CUBN: variants seen among roughly 807,000 people sequenced by gnomAD.
CUBN encodes cubilin.
A neutral mutation model predicts 405.3 loss-of-function variants in CUBN; 282 were observed. The ratio of observed to expected loss-of-function variants is 0.70; its 90% CI spans 0.63 to 0.77. The LOEUF (loss-of-function observed/expected upper bound fraction) is 0.77, where lower values mean the gene tolerates loss of function less well. Among genes scored for constraint, CUBN ranks in the 30% least tolerant of loss-of-function variants. The pLI is 0.00. For synonymous variants in CUBN, 1,684 were observed against 1,617.0 expected, an observed-to-expected ratio of 1.04 and a Z score of -0.99; for missense variants, 4,514 against 4,475.2, an observed-to-expected ratio of 1.01 and a Z score of -0.25.
intron 22 of CUBN, among the ~76,000 whole-genome samples, chr10:17,056,100 C>T (rs1336142291): frequency 6.6e-6 from 1 of 151,534 alleles, no homozygotes; most frequent in East Asian, 1.9e-4. Context: ...AATAGAGATT[C>T]CAGAAGCAGA....
At chr10:16,837,357 A>G (rs527666816) in intron 62 of CUBN, among the ~76,000 whole-genome samples, 1 of 151,970 alleles carries the variant, frequency 6.6e-6, no homozygotes, top group Non-Finnish European at 1.5e-5. Context: ...TGCAGCTTCC[A>G]TCCTCGTCTC....
At chr10:17,112,987 C>G (rs949522650) in intron 8 of CUBN, among the ~76,000 whole-genome samples, 2 of 152,080 alleles carry the variant, frequency 1.3e-5, no homozygotes, top group Non-Finnish European at 2.9e-5. Flanking sequence ...AAAACCAGGC[C>G]GTGTGTGGTG....
chr10:17,085,263 A>T (rs926843000), intron 16 of CUBN, among the ~76,000 whole-genome samples: 3 of 152,152 alleles, frequency 2.0e-5, no homozygotes, highest in African/African-American at 7.2e-5. Flanking sequence ...ATCCAGAGAG[A>T]CTGCACTGCT....
chr10:16,919,019 T>A (rs1357702010), intron 44 of CUBN, among the ~76,000 whole-genome samples: 1 of 152,238 alleles, frequency 6.6e-6, no homozygotes, highest in Non-Finnish European at 1.5e-5. Flanking sequence ...AGGTTTTACA[T>A]GTTCTACATT....
intron 54 of CUBN, among the ~76,000 whole-genome samples, chr10:16,894,126 A>ATTTTACATATATTTTACATATATT (rs1203105958): frequency 1.3e-5 from 2 of 152,208 alleles, no homozygotes; most frequent in African/African-American, 2.4e-5. Context: ...TTTACATAGT[A>ATTTTACATATATTTTACATATATT]GTACATTGCC....
chr10:16,831,808 C>T (rs2131304714), intron 64 of CUBN, among the ~76,000 whole-genome samples: 1 of 152,020 alleles, frequency 6.6e-6, no homozygotes, highest in South Asian at 2.1e-4. Context: ...GCTCTGCTTC[C>T]AGTCAACTAT....
rs193190164 is a variant in CUBN at position 16,836,495 on chromosome 10, C to G, written c.10033-113G>C. ...GGTGTAAATATTTAGCCATGGAAACCAGCTCTGCTGTTGGAAGTGCTCTGC... is the reference window on the plus strand; with the variant it reads ...GGTGTAAATATTTAGCCATGGAAACGAGCTCTGCTGTTGGAAGTGCTCTGC... On this transcript the variant is annotated intron_variant, in intron 62 of 66. Coordinates refer to ENST00000377833, the MANE Select transcript of CUBN (RefSeq NM_001081.4). 66 of 1,069,704 alleles carry G rather than the reference C, an allele frequency of 6.2e-5. No homozygotes were observed. The East Asian group carries it at 8.2e-4, about 13-fold the overall frequency. 66.3% of individuals were successfully genotyped at this position (1,069,704 alleles called of 1,614,324 possible).
chr10:17,125,305 G>A (rs1489471555), intron 4 of CUBN, among the ~76,000 whole-genome samples: 10 of 151,582 alleles, frequency 6.6e-5, no homozygotes, highest in Non-Finnish European at 1.3e-4. Context: ...AAAAAATTAC[G>A]TCTGTTTCCT....
At chr10:17,009,725 A>G (rs555833752) in intron 28 of CUBN, among the ~76,000 whole-genome samples, 1 of 152,210 alleles carries the variant, frequency 6.6e-6, no homozygotes, top group South Asian at 2.1e-4. Flanking sequence ...AGGCATGGGC[A>G]CTTTTTAAAA....
rs551446187 is a variant in CUBN at position 16,984,768 on chromosome 10, C to G, written c.4351-489G>C. ...GAAAGTTGAGTTCACTGAAGGCTAC[C>G]AATATCCCAGTTATATTTTTAGGAA... On this transcript the variant is annotated intron_variant, in intron 29 of 66. Coordinates refer to ENST00000377833, the MANE Select transcript of CUBN (RefSeq NM_001081.4). Among the ~76,000 whole-genome samples the G allele has an allele frequency of 4.6e-5, 7 of 152,286 alleles. No individual in the cohort carries two copies. The East Asian group carries it at 1.2e-3, about 25-fold the overall frequency.
At chr10:16,923,086 C>T (rs1588653646) in intron 43 of CUBN, among the ~76,000 whole-genome samples, 1 of 152,032 alleles carries the variant, frequency 6.6e-6, no homozygotes, top group East Asian at 1.9e-4. Flanking sequence ...GATCCTCCTG[C>T]CTTGGCTTCT....
intron 40 of CUBN, 42 bp downstream of exon 40, chr10:16,933,045 T>A (rs934760493): frequency 1.3e-6 from 2 of 1,583,852 alleles, no homozygotes; most frequent in East Asian, 2.2e-5. Context: ...GAACTAATTA[T>A]GTGTCAGGGT....
intron 27 of CUBN, among the ~76,000 whole-genome samples, chr10:17,032,376 G>C (rs1834804992): frequency 6.6e-6 from 1 of 152,268 alleles, no homozygotes; most frequent in African/African-American, 2.4e-5. Context: ...AAAGAGCTTT[G>C]GAGCCAGGTG....
chr10:16,990,343 A>G lies in CUBN; in HGVS notation c.4341T>C (p.Asp1447=). The G allele has an allele frequency of 1.2e-6, 2 of 1,614,172 alleles. No homozygotes were observed. Among genetic ancestry groups the G allele is most frequent in the South Asian group, 1.1e-5 (1 of 91,082 alleles). The change falls in exon 29 of 67, where the codon GAT becomes GAC. Residue 1447 remains aspartate (D), a synonymous_variant. Coordinates refer to ENST00000377833, the MANE Select transcript of CUBN (RefSeq NM_001081.4). ...CCATCTCACTTCCTACCTCCAAGAC[A>G]TCAAAGTTGCACCTTGAATGATACT... ...DVEYHSRCNF[D]VLEIYGGPDF... is the part of the protein sequence containing the mutation.
chr10:17,010,253 T>G (rs1266393349), intron 28 of CUBN, among the ~76,000 whole-genome samples: 3 of 152,246 alleles, frequency 2.0e-5, no homozygotes, highest in Non-Finnish European at 2.9e-5. Flanking sequence ...ATCATGTGTT[T>G]CAGAATCACG....
At chr10:17,120,443 C>T (rs1837010631) in intron 6 of CUBN, among the ~76,000 whole-genome samples, 1 of 152,210 alleles carries the variant, frequency 6.6e-6, no homozygotes, top group African/African-American at 2.4e-5. Flanking sequence ...TGTCCTCCAG[C>T]AAATCTATGA....
At chr10:16,880,659 A>T (rs1840642415) in intron 56 of CUBN, among the ~76,000 whole-genome samples, 1 of 152,230 alleles carries the variant, frequency 6.6e-6, no homozygotes, top group Non-Finnish European at 1.5e-5. Context: ...AATCTTGACA[A>T]ATACTTTTAA....
chr10:16,917,310 C>T (rs1841910451), intron 45 of CUBN, among the ~76,000 whole-genome samples: 1 of 152,020 alleles, frequency 6.6e-6, no homozygotes, highest in South Asian at 2.1e-4. Context: ...TCCAAGACCC[C>T]CAGTGAGTGC....
chr10:17,031,538 G>C (rs1229455038), intron 27 of CUBN, among the ~76,000 whole-genome samples: 1 of 152,186 alleles, frequency 6.6e-6, no homozygotes, highest in Non-Finnish European at 1.5e-5. Context: ...TCACTCTGAA[G>C]CAGGTACAGA....
Sources: allele counts gnomAD v4.1 joint callset (sites outside exome capture counted in the v4.1 genomes callset), GRCh38; gene constraint gnomAD v4.1.1; transcripts MANE v1.5; gene names NCBI Gene and HGNC (gene_info 2026-07-23, HGNC 2026-07-21).